Variants in PCDHGA3 observed in about 807,000 individuals in gnomAD.
PCDHGA3 encodes protocadherin gamma subfamily A, 3, also known as protocadherin gamma-A3.
PCDHGA3 carries 40 observed loss-of-function variants against 58.5 expected under a neutral mutation model. That is an observed-to-expected ratio of 0.68 (90% confidence interval 0.53 to 0.89). The LOEUF is 0.89. Ranked by LOEUF, PCDHGA3 falls within the 40% of genes least tolerant of loss-of-function variation. The pLI, the probability that PCDHGA3 is intolerant of heterozygous loss-of-function variation, is 0.00. For missense variants in PCDHGA3, 1,223 were observed against 1,195.9 expected (o/e 1.02, Z -0.33); for synonymous variants, 530 against 525.7 (o/e 1.01, Z -0.11).
chr5:141,366,854 C>A (rs1018356495), intron 1 of PCDHGA3: 8 of 1,453,350 alleles, frequency 5.5e-6, no homozygotes, highest in Non-Finnish European at 7.4e-6. Context: ...AATAGTGGAA[C>A]ATTATTTGCT....
chr5:141,417,533 A>T (rs1253836392), intron 1 of PCDHGA3: 3 of 274,888 alleles, frequency 1.1e-5, no homozygotes, highest in African/African-American at 2.2e-5. Context: ...CTCGTAGTTT[A>T]AAAAAAATTC....
chr5:141,383,980 C>G lies in PCDHGA3; in HGVS notation c.2424+37523C>G, dbSNP rs145468093. The G allele has an allele frequency of 9.9e-5, 159 of 1,613,694 alleles. No homozygotes were observed. In the East Asian group the frequency reaches 3.5e-3, roughly 35 times the overall value. Reference sequence around the variant, plus strand: ...AAGTAGCTCAATCCCTGAAGACACACCTCTTGGGACAGTCATTGCTCTTTT... The same window carrying G: ...AAGTAGCTCAATCCCTGAAGACACAGCTCTTGGGACAGTCATTGCTCTTTT... On this transcript the variant is annotated intron_variant, in intron 1 of 3. Transcript: ENST00000253812.
intron 1 of PCDHGA3, among the ~76,000 whole-genome samples, chr5:141,481,215 G>T (rs1238465869): frequency 6.6e-6 from 1 of 152,152 alleles, no homozygotes; most frequent in Non-Finnish European, 1.5e-5. Context: ...AACATGGTAA[G>T]GTCTCCCAGC....
At chr5:141,471,114 T>A (rs1210058743) in intron 1 of PCDHGA3, among the ~76,000 whole-genome samples, 1 of 150,256 alleles carries the variant, frequency 6.7e-6, no homozygotes, top group Non-Finnish European at 1.5e-5. Context: ...AGTGGTGCGA[T>A]CTTACCTTCA....
intron 1 of PCDHGA3, chr5:141,357,740 T>G: frequency 2.3e-6 from 3 of 1,285,732 alleles, no homozygotes; most frequent in Non-Finnish European, 3.2e-6. Flanking sequence ...ATTTTATTGC[T>G]TTAAAGAAAA....
intron 1 of PCDHGA3, among the ~76,000 whole-genome samples, chr5:141,450,322 T>A (rs1246284108): frequency 6.6e-6 from 1 of 152,106 alleles, no homozygotes; most frequent in African/African-American, 2.4e-5. Context: ...CTAGTTGCCA[T>A]GTCTCTTTAA....
intron 1 of PCDHGA3, chr5:141,414,689 T>G (rs1256681548): frequency 1.2e-6 from 2 of 1,614,070 alleles, no homozygotes; most frequent in Non-Finnish European, 8.5e-7. Context: ...GGGGTACCTC[T>G]GTCCTCATAC....
chr5:141,364,528 C>G (rs1445482375), intron 1 of PCDHGA3: 43 of 1,614,048 alleles, frequency 2.7e-5, no homozygotes, highest in Non-Finnish European at 3.6e-5. Flanking sequence ...GAGTCCGCAT[C>G]GTCTCCAGAG....
intron 1 of PCDHGA3, chr5:141,384,047 C>T (rs775378618): frequency 4.3e-6 from 7 of 1,612,190 alleles, no homozygotes; most frequent in African/African-American, 1.3e-5. Flanking sequence ...GGTGAGGTGA[C>T]CTGCACCATT....
intron 1 of PCDHGA3, chr5:141,410,295 T>G (rs1043971768): frequency 9.3e-6 from 15 of 1,613,864 alleles, no homozygotes; most frequent in Non-Finnish European, 1.3e-5. Context: ...GCCTTGGCCT[T>G]AATCTCAGTG....
intron 1 of PCDHGA3, chr5:141,384,357 G>A (rs1226263341): frequency 1.2e-6 from 2 of 1,613,734 alleles, no homozygotes; most frequent in African/African-American, 2.7e-5. Flanking sequence ...ATAATGCCCA[G>A]ATCACTTATT....
chr5:141,507,097 A>G (rs1343795018), intron 3 of PCDHGA3: 1 of 152,082 alleles, frequency 6.6e-6, no homozygotes, highest in African/African-American at 2.4e-5. Flanking sequence ...TGCTCTTTCT[A>G]CTATAGGGAC....
chr5:141,380,370 G>T (rs1427266285), intron 1 of PCDHGA3, among the ~76,000 whole-genome samples: 2 of 152,084 alleles, frequency 1.3e-5, no homozygotes, highest in Admixed American at 1.3e-4. Context: ...AGAAAAAAAA[G>T]TCCCAAAAAA....
chr5:141,410,447 C>A, intron 1 of PCDHGA3: 1 of 1,613,984 alleles, frequency 6.2e-7, no homozygotes, highest in Non-Finnish European at 8.5e-7. Context: ...GGGGACTTTG[C>A]CTTATTCTTA....
In PCDHGA3 at chr5:141,476,533, A is replaced by G; in HGVS notation, c.2425-18274A>G. 6.2e-7 allele frequency: 1 copy of G among 1,614,184 alleles called. No individual in the cohort carries two copies. Among genetic ancestry groups the G allele is most frequent in the Non-Finnish European group, 8.5e-7 (1 of 1,180,022 alleles). On this transcript the variant is annotated intron_variant, in intron 1 of 3. Transcript: ENST00000253812. The surrounding 1 kb of genome is among the most constrained non-coding windows in gnomAD (Gnocchi z 7.6). ...ACAATCCTGCTTTCCCTACCCAGGA[A>G]ATGAAATTGGAGATTAGCGAGGCCG...
intron 1 of PCDHGA3, chr5:141,364,916 T>A (rs1264033754): frequency 1.5e-5 from 25 of 1,613,934 alleles, no homozygotes; most frequent in Non-Finnish European, 2.1e-5. Flanking sequence ...GGAGCTGGTG[T>A]TGGAACAGCC....
rs372648693 is a variant in PCDHGA3, at chr5:141,417,997, G to A, written c.2424+71540G>A. 244 of 1,613,872 alleles carry A rather than the reference G, an allele frequency of 1.5e-4. No homozygotes were observed. The Middle Eastern group carries it at 3.5e-3, about 23-fold the overall frequency. On this transcript the variant is annotated intron_variant, in intron 1 of 3. Transcript: ENST00000253812. ...CGGAGGAGCTGGCCAAGGGCTCGGT[G>A]GTGGGGAACCTCGCTAAGGATCTAG...
intron 1 of PCDHGA3, chr5:141,403,197 G>T: frequency 6.2e-7 from 1 of 1,613,986 alleles, no homozygotes; most frequent in Non-Finnish European, 8.5e-7. Flanking sequence ...CCGCGCAGCG[G>T]CACCTTGGTC....
In PCDHGA3 at chr5:141,422,644, T is replaced by C. The variant is rs770618826; in HGVS notation, c.2425-72163T>C. 9 of 1,612,266 alleles carry C rather than the reference T, an allele frequency of 5.6e-6. No homozygotes were observed. The Admixed American group carries it at 1.5e-4, about 27-fold the overall frequency. ...AAACAACCCCAGGGGTGCCTCCATC[T>C]TCTCAGTGACCGCCCTCGACCCGGA... On this transcript the variant is annotated intron_variant, in intron 1 of 3. Coordinates refer to ENST00000253812, the MANE Select transcript of PCDHGA3 (RefSeq NM_018916.4).
Sources: allele counts gnomAD v4.1 joint callset (sites outside exome capture counted in the v4.1 genomes callset), GRCh38; gene constraint gnomAD v4.1.1; non-coding constraint Gnocchi (gnomAD v3.1); transcripts MANE v1.5; gene names NCBI Gene and HGNC (gene_info 2026-07-23, HGNC 2026-07-21).